YIPF7: variants seen among roughly 807,000 people sequenced by gnomAD.
YIPF7 encodes the protein protein YIPF7.
Under a neutral mutation model 27.2 loss-of-function variants are expected in YIPF7, and 35 were observed. The observed-to-expected ratio is 1.29, with a 90% CI of 0.98 to 1.70. YIPF7 has a LOEUF of 1.70. Among genes scored for constraint, YIPF7 ranks in the 40% most tolerant of loss-of-function variants. The pLI is 0.00. For missense variants in YIPF7, 358 were observed against 303.7 expected, an observed-to-expected ratio of 1.18 and a Z score of -1.33; for synonymous variants, 137 against 110.4, an observed-to-expected ratio of 1.24 and a Z score of -1.51.
At chr4:44,642,963 G>C (rs1282192063) in intron 2 of YIPF7, among the ~76,000 whole-genome samples, 2 of 152,052 alleles carry the variant, frequency 1.3e-5, no homozygotes, top group African/African-American at 4.8e-5. Context: ...CAAGAAATTG[G>C]TACTGAGGAG....
chr4:44,629,998 G>A (rs73191059), intron 3 of YIPF7, among the ~76,000 whole-genome samples: 24,853 of 151,934 alleles, frequency 0.16, 2,268 homozygotes, highest in East Asian at 0.32. Context: ...CTTTTTCGAG[G>A]CAGGGTTTCC....
chr4:44,630,973 C>A (rs897394698), intron 3 of YIPF7, among the ~76,000 whole-genome samples: 1 of 152,056 alleles, frequency 6.6e-6, no homozygotes, highest in Non-Finnish European at 1.5e-5. Flanking sequence ...GAGGTGGAGG[C>A]TAGGAAGAAT....
Position 44,627,384 on chromosome 4 carries a change from G to T in YIPF7, c.426+2019C>A, listed in dbSNP as rs144471771. 5.0e-3 allele frequency among the ~76,000 whole-genome samples: 761 copies of T among 152,238 alleles called. 5 individuals carry two copies. Among genetic ancestry groups the T allele is most frequent in the Non-Finnish European group, 9.4e-3 (641 of 68,016 alleles). ...AAATCTTAAAGGAGGAAGAGTATGT[G>T]ACTATGACTCTTATGTCTCCAGAGA... is the stretch of plus-strand genomic sequence containing the variant. On this transcript the variant is annotated intron_variant, in intron 4 of 5. Coordinates refer to ENST00000415895, the MANE Select transcript of YIPF7 (RefSeq NM_182592.3).
intron 3 of YIPF7, among the ~76,000 whole-genome samples, chr4:44,634,555 C>T (rs1713038662): frequency 6.6e-6 from 1 of 151,798 alleles, no homozygotes; most frequent in Admixed American, 6.6e-5. Flanking sequence ...ATACTCGTGA[C>T]ATAAAGTAAA....
In YIPF7 at chr4:44,622,291, C is replaced by T; in HGVS notation, c.*123G>A. The T allele has an allele frequency of 8.1e-7, 1 of 1,239,050 alleles. No homozygotes were observed. Among genetic ancestry groups the T allele is most frequent in the East Asian group, 2.6e-5 (1 of 39,142 alleles). The allele number at this position is 1,239,050 out of a possible 1,614,324, so 76.8% of individuals were successfully genotyped here. ...ACCACCCTTAAGTGCTGCTTTGTCT[C>T]TCTGCTTATTACTCTCTCAAAAGCA... is the stretch of plus-strand genomic sequence containing the variant. On this transcript the variant is annotated 3_prime_UTR_variant, in exon 6 of 6. Coordinates refer to ENST00000415895, the MANE Select transcript of YIPF7 (RefSeq NM_182592.3).
At chr4:44,654,738 T>C (rs1048308094), upstream of YIPF7, among the ~76,000 whole-genome samples, 1 of 152,100 alleles carries the variant, frequency 6.6e-6, no homozygotes, top group Non-Finnish European at 1.5e-5. Context: ...AAATCAGAAA[T>C]CATCTAATTT....
chr4:44,635,814 A>G, intron 3 of YIPF7, 108 bp downstream of exon 3: 1 of 1,268,894 alleles, frequency 7.9e-7, no homozygotes, highest in South Asian at 1.7e-5. Flanking sequence ...ATGTGAAACA[A>G]TCAAACATAA....
At chr4:44,650,239 A>T in intron 1 of YIPF7, 138 bp from the exon 2 acceptor site, 1 of 677,758 alleles carries the variant, frequency 1.5e-6, no homozygotes, top group Non-Finnish European at 2.7e-6. Context: ...TGGGGTCAAT[A>T]AAGTATTGGG....
intron 2 of YIPF7, among the ~76,000 whole-genome samples, chr4:44,657,600 T>C (rs1713934442): frequency 1.3e-5 from 2 of 152,158 alleles, no homozygotes. Context: ...ATTTCTGTGA[T>C]AAGGTCGATG....
chr4:44,654,965 A>G (rs1713850472), upstream of YIPF7, among the ~76,000 whole-genome samples: 1 of 151,964 alleles, frequency 6.6e-6, no homozygotes, highest in Non-Finnish European at 1.5e-5. Context: ...ACCTTTAATG[A>G]CTTGACAAAA....
rs545757032 is a variant in YIPF7 at position 44,631,194 on chromosome 4, A to G, written c.281-1646T>C. On this transcript the variant is annotated intron_variant, in intron 3 of 5. Transcript: ENST00000415895. ...TGCACAATCTGACTCAAGAAAGCACATGTTTAACCATAGATTTGTGGTCAG... is the reference window on the plus strand; with the variant it reads ...TGCACAATCTGACTCAAGAAAGCACGTGTTTAACCATAGATTTGTGGTCAG... 7.9e-5 allele frequency among the ~76,000 whole-genome samples: 12 copies of G among 152,326 alleles called. No homozygotes were observed. The East Asian group carries it at 1.7e-3, about 22-fold the overall frequency.
At chr4:44,659,760 G>T (rs992436083) in intron 2 of YIPF7, among the ~76,000 whole-genome samples, 3 of 152,028 alleles carry the variant, frequency 2.0e-5, no homozygotes, top group Admixed American at 1.3e-4. Context: ...ATATTCCCTT[G>T]ATTTAGCAAA....
chr4:44,632,349 C>T (rs115074292), intron 3 of YIPF7, among the ~76,000 whole-genome samples: 2,078 of 152,160 alleles, frequency 0.014, 24 homozygotes, highest in Middle Eastern at 0.031. Context: ...AATTAAGATC[C>T]CTACTTTCTA....
upstream of YIPF7, among the ~76,000 whole-genome samples, chr4:44,654,090 C>A (rs1648205786): frequency 6.6e-6 from 1 of 151,992 alleles, no homozygotes; most frequent in African/African-American, 2.4e-5. Context: ...GACAAAATGA[C>A]TTCAGCCTCT....
intron 3 of YIPF7, among the ~76,000 whole-genome samples, chr4:44,631,067 A>G (rs967798067): frequency 6.6e-6 from 1 of 152,200 alleles, no homozygotes; most frequent in African/African-American, 2.4e-5. Context: ...TCAATCAGTT[A>G]CTATTATTTT....
intron 1 of YIPF7, among the ~76,000 whole-genome samples, chr4:44,650,534 T>TACAC (rs1713700492): frequency 2.4e-5 from 3 of 126,436 alleles, no homozygotes; most frequent in South Asian, 2.5e-4. Context: ...CACACACACT[T>TACAC]GTACCAAGGA....
chr4:44,631,992 C>T (rs1232627960), intron 3 of YIPF7, among the ~76,000 whole-genome samples: 1 of 152,110 alleles, frequency 6.6e-6, no homozygotes. Context: ...AAATGCTTCA[C>T]ACGACATCAC....
intron 2 of YIPF7, among the ~76,000 whole-genome samples, chr4:44,643,074 G>A (rs538079540): frequency 6.6e-6 from 1 of 152,102 alleles, no homozygotes; most frequent in Non-Finnish European, 1.5e-5. Flanking sequence ...AAGAAGACAG[G>A]AAGATGAGGA....
At chr4:44,661,779 C>T (rs1328118776) in intron 1 of YIPF7, among the ~76,000 whole-genome samples, 1 of 152,138 alleles carries the variant, frequency 6.6e-6, no homozygotes, top group African/African-American at 2.4e-5. Flanking sequence ...AAAAGTGTTG[C>T]AGATAAATCC....
Sources: allele counts gnomAD v4.1 joint callset (sites outside exome capture counted in the v4.1 genomes callset), GRCh38; gene constraint gnomAD v4.1.1; transcripts MANE v1.5; gene names NCBI Gene and HGNC (gene_info 2026-07-23, HGNC 2026-07-21).